ABCA13: variants seen among roughly 807,000 people sequenced by gnomAD.
ABCA13 encodes the protein ATP binding cassette subfamily A member 13.
Under a neutral mutation model 478.7 loss-of-function variants are expected in ABCA13, and 476 were observed. The observed-to-expected ratio is 0.99, with a 90% confidence interval of 0.92 to 1.07. The LOEUF (loss-of-function observed/expected upper bound fraction) is 1.07, where lower values mean the gene tolerates loss of function less well. ABCA13 is among the 50% of genes least tolerant of loss of function. The pLI is 0.00. For synonymous variants in ABCA13, 2,252 were observed against 2,158.9 expected (o/e 1.04, Z -1.20); for missense variants, 6,060 against 5,910.6 (o/e 1.03, Z -0.83).
At position 48,279,042 on chromosome 7, in the gene ABCA13, T is replaced by A. The variant is rs1796669625; in HGVS notation, c.7848T>A (p.Ser2616Arg). Residue 2616 changes from serine to arginine, a missense_variant, in exon 18 of 62, where the codon AGT becomes AGA. By Grantham distance (110) the Ser-to-Arg change is moderately radical. Coordinates refer to ENST00000435803, the MANE Select transcript of ABCA13 (RefSeq NM_152701.5). The part of the protein sequence containing the change: ...PYISSNSDIF[S>R]MSPSILSYMN... ...TATCATCAAACTCTGATATTTTCAGTATGTCACCTAGCATACTCTCATATA... is the reference window on the plus strand; with the variant it reads ...TATCATCAAACTCTGATATTTTCAGAATGTCACCTAGCATACTCTCATATA... 1 of 1,613,130 alleles carries A rather than the reference T, an allele frequency of 6.2e-7. No individual in the cohort carries two copies. The highest frequency in any genetic ancestry group is 8.5e-7 in the Non-Finnish European group (1 of 1,179,818).
chr7:48,214,652 G>A (rs553614552), intron 3 of ABCA13, among the ~76,000 whole-genome samples: 4 of 152,134 alleles, frequency 2.6e-5, no homozygotes, highest in Non-Finnish European at 5.9e-5. Flanking sequence ...TAATGGAGAC[G>A]GCTTCTTTCC....
At chr7:48,485,443 G>T (rs909500564) in intron 47 of ABCA13, among the ~76,000 whole-genome samples, 6 of 151,620 alleles carry the variant, frequency 4.0e-5, no homozygotes, top group Admixed American at 3.3e-4. Context: ...AACCATTCTT[G>T]GGAGAAAAAG....
chr7:48,521,545 T>C (rs777643274), intron 53 of ABCA13, among the ~76,000 whole-genome samples: 3 of 152,166 alleles, frequency 2.0e-5, no homozygotes, highest in Non-Finnish European at 4.4e-5. Flanking sequence ...TGACTGAACC[T>C]GGAGTAAAAT....
At chr7:48,271,005 G>A (rs1331968274) in intron 16 of ABCA13, among the ~76,000 whole-genome samples, 1 of 152,200 alleles carries the variant, frequency 6.6e-6, no homozygotes, top group African/African-American at 2.4e-5. Context: ...GTCTCACTGC[G>A]AAAGTGTTAA....
At chr7:48,246,817 A>G (rs1034999169) in intron 13 of ABCA13, among the ~76,000 whole-genome samples, 1 of 152,194 alleles carries the variant, frequency 6.6e-6, no homozygotes, top group Non-Finnish European at 1.5e-5. Flanking sequence ...AGAAGGGCAA[A>G]CAACAGTGAG....
rs535005863 is a variant in ABCA13, at chr7:48,199,821, G to A, written c.287+1461G>A. Among the ~76,000 whole-genome samples, 10 of 152,274 alleles carry A rather than the reference G, an allele frequency of 6.6e-5. No individual in the cohort carries two copies. The South Asian group carries it at 1.2e-3, about 19-fold the overall frequency. On this transcript the variant is annotated intron_variant, in intron 3 of 61. Coordinates refer to ENST00000435803, the MANE Select transcript of ABCA13 (RefSeq NM_152701.5). The stretch of plus-strand genomic sequence containing the variant: ...TTATGTCTCTTCCTTACTTGGATTG[G>A]GAGGTTTAAATGATGTTGAAGTGGG...
At chr7:48,378,222 T>C (rs1228672292) in intron 35 of ABCA13, among the ~76,000 whole-genome samples, 1 of 152,122 alleles carries the variant, frequency 6.6e-6, no homozygotes, top group Non-Finnish European at 1.5e-5. Context: ...AGGAAGGTAA[T>C]TGAACTCAGA....
intron 35 of ABCA13, among the ~76,000 whole-genome samples, chr7:48,380,381 G>T (rs140373105): frequency 6.6e-6 from 1 of 152,150 alleles, no homozygotes; most frequent in Non-Finnish European, 1.5e-5. Flanking sequence ...AAACTCAAAC[G>T]CAGTGAGTGA....
At position 48,403,124 on chromosome 7, in the gene ABCA13, C is replaced by T. The variant is rs149455290; in HGVS notation, c.11874-559C>T. On this transcript the variant is annotated intron_variant, in intron 38 of 61. Transcript: ENST00000435803. ...TCCTAAGACTGAAAGATCCCTGCAACGGAACAGGACACTTGTTCTTACATT... is the reference window on the plus strand; with the variant it reads ...TCCTAAGACTGAAAGATCCCTGCAATGGAACAGGACACTTGTTCTTACATT... Among the ~76,000 whole-genome samples, 161 of 152,330 alleles carry T rather than the reference C, an allele frequency of 1.1e-3. 1 individual carries two copies. The highest frequency in any genetic ancestry group is 3.7e-3 in the African/African-American group (155 of 41,578).
chr7:48,176,960 C>A (rs1362378653), intron 1 of ABCA13, among the ~76,000 whole-genome samples: 1 of 152,052 alleles, frequency 6.6e-6, no homozygotes, highest in Non-Finnish European at 1.5e-5. Context: ...AATCTCATTT[C>A]TTTGAGATTT....
intron 48 of ABCA13, among the ~76,000 whole-genome samples, chr7:48,498,511 A>G (rs1184497096): frequency 6.6e-6 from 1 of 152,176 alleles, no homozygotes; most frequent in African/African-American, 2.4e-5. Flanking sequence ...TATGTCCAGC[A>G]GTTTTTTATT....
intron 39 of ABCA13, among the ~76,000 whole-genome samples, chr7:48,407,057 A>G (rs1003028521): frequency 1.2e-4 from 18 of 152,148 alleles, no homozygotes; most frequent in African/African-American, 4.1e-4. Flanking sequence ...CAGCTTCATT[A>G]AAGTATAATT....
chr7:48,438,120 A>G (rs1475011348), intron 42 of ABCA13, among the ~76,000 whole-genome samples: 2 of 152,090 alleles, frequency 1.3e-5, no homozygotes, highest in African/African-American at 2.4e-5. Context: ...CAGGTAAAAC[A>G]GACACTAGTC....
chr7:48,207,610 G>T (rs529499730), intron 3 of ABCA13, among the ~76,000 whole-genome samples: 2 of 152,162 alleles, frequency 1.3e-5, no homozygotes, highest in African/African-American at 4.8e-5. Context: ...TTTGAGAAAT[G>T]TCTATTCAGA....
At chr7:48,209,010 A>C (rs1437609300) in intron 3 of ABCA13, among the ~76,000 whole-genome samples, 1 of 152,102 alleles carries the variant, frequency 6.6e-6, no homozygotes, top group African/African-American at 2.4e-5. Flanking sequence ...TTGTATCATA[A>C]AGGAATGTTG....
intron 9 of ABCA13, among the ~76,000 whole-genome samples, chr7:48,239,945 CCTCAGAAG>C (rs1447444412): frequency 1.3e-5 from 2 of 152,324 alleles, no homozygotes; most frequent in African/African-American, 2.4e-5. Flanking sequence ...TTGCTCCTGG[CCTCAGAAG>C]CTCATGGAGC....
intron 12 of ABCA13, 55 bp downstream of exon 12, chr7:48,245,667 C>T (rs555089153): frequency 1.3e-6 from 2 of 1,550,018 alleles, no homozygotes; most frequent in Non-Finnish European, 1.8e-6. Flanking sequence ...ATTCAAGAAG[C>T]TCATGCAATA....
At chr7:48,563,317 G>A (rs1786661800) in intron 55 of ABCA13, among the ~76,000 whole-genome samples, 1 of 152,184 alleles carries the variant, frequency 6.6e-6, no homozygotes, top group Non-Finnish European at 1.5e-5. Context: ...TTGCTCATCT[G>A]TGAGGTCAGT....
chr7:48,576,863 T>C (rs1391658140), intron 55 of ABCA13, among the ~76,000 whole-genome samples: 1 of 150,714 alleles, frequency 6.6e-6, no homozygotes, highest in Admixed American at 6.6e-5. Context: ...AATAAAGAAA[T>C]AGACATCATC....
Sources: gnomAD v4.1 joint callset for allele counts (sites outside exome capture counted in the v4.1 genomes callset) on GRCh38, gnomAD v4.1.1 for gene constraint, MANE v1.5 for transcripts, NCBI Gene and HGNC (gene_info 2026-07-23, HGNC 2026-07-21) for gene names.